The following GRAMD4 variants were observed in gnomAD, a reference collection of about 807,000 sequenced individuals.
GRAMD4 encodes GRAM domain-containing protein 4.
In GRAMD4, 25 loss-of-function variants were observed where a neutral mutation model predicts 83.9. The observed-to-expected ratio is 0.30, with a 90% confidence interval of 0.22 to 0.42. The LOEUF is 0.42. Among genes scored for constraint, GRAMD4 ranks in the 10% least tolerant of loss-of-function variants. GRAMD4 has a pLI of 1.00. For synonymous variants in GRAMD4, 336 were observed against 320.9 expected (o/e 1.05, Z -0.50); for missense variants, 593 against 788.7 (o/e 0.75, Z 2.97).
Position 46,626,857 on chromosome 22 carries a change from G to C in GRAMD4, c.58G>C (p.Asp20His), listed in dbSNP as rs142967893. The change falls in exon 2 of 19, where the codon GAT becomes CAT. Residue 20 changes from aspartate to histidine, a missense_variant. By Grantham distance (81) the Asp-to-His change is moderately conservative. This residue lies in a region of GRAMD4 where 312 missense variants were observed against 350.7 expected (regional missense o/e 0.89). Coordinates refer to ENST00000406902, the MANE Select transcript of GRAMD4 (RefSeq NM_015124.5). ...FRGHKRDDFL[D>H]LAESPNASDT... is the part of the protein sequence containing the mutation. ...AGGTCACAAGAGAGATGACTTCCTC[G>C]ATCTAGCGGAGTCTCCAAATGCCTC... The C allele has an allele frequency of 2.5e-6, 4 of 1,613,814 alleles. No individual in the cohort carries two copies. The African/African-American group carries it at 4.0e-5, about 16-fold the overall frequency.
intron 9 of GRAMD4, among the ~76,000 whole-genome samples, chr22:46,666,585 C>G (rs1292781458): frequency 6.6e-6 from 1 of 152,136 alleles, no homozygotes; most frequent in Admixed American, 6.5e-5. Context: ...CCGCTGGCCA[C>G]TTTTAAATAT....
intron 1 of GRAMD4, among the ~76,000 whole-genome samples, chr22:46,578,409 G>A (rs1315610936): frequency 1.3e-5 from 2 of 152,182 alleles, no homozygotes; most frequent in African/African-American, 4.8e-5. Flanking sequence ...CTTGGGCAAG[G>A]TAGTGAGCCT....
intron 1 of GRAMD4, among the ~76,000 whole-genome samples, chr22:46,625,296 C>T (rs1354235444): frequency 1.3e-5 from 2 of 152,208 alleles, no homozygotes; most frequent in Admixed American, 6.5e-5. Flanking sequence ...TCTGTGTCTT[C>T]GGTCCTCACT....
chr22:46,598,939 A>T (rs1035588544), intron 1 of GRAMD4, among the ~76,000 whole-genome samples: 3 of 151,992 alleles, frequency 2.0e-5, no homozygotes, highest in East Asian at 3.9e-4. Flanking sequence ...CTGCACCCAG[A>T]GGGCTAGGGT....
chr22:46,672,810 C>G lies in GRAMD4; in HGVS notation c.1085-33C>G, dbSNP rs754732367. On this transcript the variant is annotated intron_variant, in intron 13 of 18. Transcript: ENST00000406902. This position sits in a 1 kb window ranked among gnomAD's most constrained non-coding sequence, Gnocchi z 4.7. ...AGTAGACTGGCATAGCTGCAGAGCTCTAGATGGAGCAGGCTGTGTCCCCTG... is the reference window on the plus strand; with the variant it reads ...AGTAGACTGGCATAGCTGCAGAGCTGTAGATGGAGCAGGCTGTGTCCCCTG... The G allele has an allele frequency of 2.0e-5, 31 of 1,582,336 alleles. No individual in the cohort carries two copies. In the South Asian group the frequency reaches 3.4e-4, roughly 17 times the overall value.
At chr22:46,608,834 T>G (rs138529) in intron 1 of GRAMD4, among the ~76,000 whole-genome samples, 1 of 152,116 alleles carries the variant, frequency 6.6e-6, no homozygotes, top group South Asian at 2.1e-4. Context: ...CATAGTGAAA[T>G]CCCATCTCTA....
chr22:46,645,005 C>T (rs1227716711), intron 3 of GRAMD4, among the ~76,000 whole-genome samples: 1 of 144,702 alleles, frequency 6.9e-6, no homozygotes, highest in Non-Finnish European at 1.5e-5. Context: ...CCGCCTCGGC[C>T]TCTCAAAGTT....
intron 2 of GRAMD4, among the ~76,000 whole-genome samples, chr22:46,629,200 T>A (rs887450650): frequency 2.0e-5 from 3 of 152,116 alleles, no homozygotes; most frequent in Non-Finnish European, 4.4e-5. Flanking sequence ...GGTCAGGCAC[T>A]GACTGCAGAG....
At chr22:46,604,373 C>G (rs866752122) in intron 1 of GRAMD4, among the ~76,000 whole-genome samples, 3 of 152,190 alleles carry the variant, frequency 2.0e-5, no homozygotes, top group African/African-American at 4.8e-5. Flanking sequence ...CTCTCTCTCT[C>G]TCTGTATAAA....
At chr22:46,616,679 T>C (rs1162914034), upstream of GRAMD4, among the ~76,000 whole-genome samples, 3 of 110,062 alleles carry the variant, frequency 2.7e-5, no homozygotes, top group African/African-American at 1.0e-4. Context: ...TAGGTTCCCC[T>C]GTGCGTGTAG....
chr22:46,651,472 CCT>C (rs2082164683), intron 3 of GRAMD4, among the ~76,000 whole-genome samples: 3 of 152,352 alleles, frequency 2.0e-5, no homozygotes, highest in South Asian at 4.1e-4. Context: ...GGCTCCTATC[CCT>C]GGGTCTCCGC....
chr22:46,612,150 C>T (rs1431320866), intron 1 of GRAMD4, among the ~76,000 whole-genome samples: 2 of 151,854 alleles, frequency 1.3e-5, no homozygotes, highest in Admixed American at 1.3e-4. Flanking sequence ...ACTACAGGTG[C>T]ACACCATCCC....
intron 3 of GRAMD4, among the ~76,000 whole-genome samples, chr22:46,639,097 C>T (rs929612716): frequency 6.6e-6 from 1 of 151,894 alleles, no homozygotes; most frequent in African/African-American, 2.4e-5. Flanking sequence ...GCTTAGATGG[C>T]GTAATGAACT....
chr22:46,577,476 C>CCCGGGT (rs1490378618), intron 1 of GRAMD4, among the ~76,000 whole-genome samples: 1 of 150,126 alleles, frequency 6.7e-6, no homozygotes, highest in Admixed American at 6.6e-5. Context: ...CGCACACGCC[C>CCCGGGT]CCGGGTCCCG....
intron 13 of GRAMD4, chr22:46,671,008 A>G (rs768527913): frequency 7.1e-6 from 3 of 422,952 alleles, no homozygotes. Flanking sequence ...GTGGGCCAAG[A>G]TGGCATTCCT....
chr22:46,668,182 G>A lies in GRAMD4; in HGVS notation c.930+15G>A, dbSNP rs759772964. On this transcript the variant is annotated intron_variant, in intron 11 of 18. Coordinates refer to ENST00000406902, the MANE Select transcript of GRAMD4 (RefSeq NM_015124.5). ...AGAAAGCCCAGGTACTGCCACGGGC[G>A]CCGGCCAGGGGTGTGTCTGCGCCAG... The A allele has an allele frequency of 1.8e-5, 29 of 1,593,990 alleles. No individual in the cohort carries two copies. Among genetic ancestry groups the A allele is most frequent in the South Asian group, 4.4e-5 (4 of 90,592 alleles).
intron 1 of GRAMD4, among the ~76,000 whole-genome samples, chr22:46,590,745 C>T (rs77897973): frequency 0.011 from 1,636 of 152,254 alleles, 32 homozygotes; most frequent in African/African-American, 0.038. Flanking sequence ...CAGCTAAGGA[C>T]GATGGACACT....
rs2081091299 is a variant in GRAMD4 at position 46,580,928 on chromosome 22, T to C, written c.-50+3638T>C. 3.4e-5 allele frequency among the ~76,000 whole-genome samples: 5 copies of C among 146,806 alleles called. No homozygotes were observed. The South Asian group carries it at 8.6e-4, about 25-fold the overall frequency. On this transcript the variant is annotated intron_variant, in intron 1 of 1. Transcript: ENST00000431155. ...GTTGGGGTGAGCTGAGATCGCGCCA[T>C]TGCACTCCAGCCTGGGCAACAAGAG...
chr22:46,584,074 C>A (rs1289569206), intron 1 of GRAMD4, among the ~76,000 whole-genome samples: 2 of 152,164 alleles, frequency 1.3e-5, no homozygotes, highest in Non-Finnish European at 2.9e-5. Context: ...TGTTTGCTCA[C>A]TCGTTCCAGT....
Sources: gnomAD v4.1 joint callset for allele counts (sites outside exome capture counted in the v4.1 genomes callset) on GRCh38, gnomAD v4.1.1 for gene constraint, gnomAD v4.1.1 regional missense constraint, Gnocchi (gnomAD v3.1) non-coding constraint, MANE v1.5 for transcripts, NCBI Gene and HGNC (gene_info 2026-07-23, HGNC 2026-07-21) for gene names.